Variants in DHRS4L2 observed in about 807,000 individuals in gnomAD.
DHRS4L2 encodes dehydrogenase/reductase 4 like 2, also known as dehydrogenase/reductase SDR family member 4-like 2.
In DHRS4L2, 22 loss-of-function variants were observed where a neutral mutation model predicts 23.9. The ratio of observed to expected loss-of-function variants is 0.92; its 90% CI spans 0.66 to 1.31. The LOEUF (loss-of-function observed/expected upper bound fraction) is 1.31. Ranked by LOEUF, DHRS4L2 falls within the 40% of genes most tolerant of loss-of-function variation. The probability of loss-of-function intolerance (pLI) is 0.00; values close to 1 mark genes in which losing one functional copy is unlikely to be tolerated. For synonymous variants in DHRS4L2, 141 were observed against 123.7 expected, an observed-to-expected ratio of 1.14 and a Z score of -0.93; for missense variants, 385 against 303.3, an observed-to-expected ratio of 1.27 and a Z score of -2.00.
At chr14:23,988,781 G>A, upstream of DHRS4L2, 1 of 1,403,562 alleles carries the variant, frequency 7.1e-7, no homozygotes. Flanking sequence ...CTGCGGGGCG[G>A]GGCGACTGGC....
chr14:23,989,543 G>A (rs77491846), intron 1 of DHRS4L2, among the ~76,000 whole-genome samples: 12,273 of 151,364 alleles, frequency 0.081, 868 homozygotes, highest in East Asian at 0.23. Context: ...TTTTTAGGTC[G>A]GTACATCTGG....
rs114482619 is a variant in DHRS4L2 at position 23,974,701 on chromosome 14, C to T, written c.-176+4369C>T. On this transcript the variant is annotated intron_variant, in intron 1 of 5. Coordinates refer to the DHRS4L2 transcript ENST00000534993. The stretch of plus-strand genomic sequence containing the variant: ...ACACCTTCTGCAGACTAAATCAGGA[C>T]GAAGTTGAATTGCTGAATAGACCAA... 3.1e-3 allele frequency among the ~76,000 whole-genome samples: 466 copies of T among 151,792 alleles called. 6 individuals are homozygous for T. Among genetic ancestry groups the T allele is most frequent in the African/African-American group, 0.011 (440 of 41,398 alleles).
intron 2 of DHRS4L2, chr14:23,991,039 T>C (rs529481416): frequency 9.5e-6 from 3 of 314,812 alleles, no homozygotes; most frequent in Admixed American, 6.5e-5. Flanking sequence ...GAAGCAACTA[T>C]GAAGCATTCA....
At chr14:23,991,485 C>T (rs553177586) in intron 2 of DHRS4L2, among the ~76,000 whole-genome samples, 3 of 151,808 alleles carry the variant, frequency 2.0e-5, no homozygotes, top group Non-Finnish European at 2.9e-5. Flanking sequence ...CTGTGCCCCC[C>T]ACCAGGTTCA....
chr14:24,005,815 C>A, intron 7 of DHRS4L2, 71 bp from the exon 8 acceptor site: 1 of 1,580,934 alleles, frequency 6.3e-7, no homozygotes. Flanking sequence ...AAATTTAACT[C>A]CCCGTGTCCC....
chr14:23,995,375 C>G (rs1320484468), intron 3 of DHRS4L2, among the ~76,000 whole-genome samples: 1 of 151,644 alleles, frequency 6.6e-6, no homozygotes, highest in African/African-American at 2.4e-5. Context: ...GCCACTGCTC[C>G]CCTCCCCAGG....
Position 23,995,087 on chromosome 14 carries a change from C to T in DHRS4L2, c.362C>T (p.Pro121Leu). Residue 121 changes from proline (P) to leucine (L), a missense_variant, in exon 3 of 8, where the codon CCT becomes CTT. By Grantham distance (98) the Pro-to-Leu change is moderately conservative. Transcript: ENST00000335125. ...DILVSNAAVN[P>L]FFGSLMDVTE... ...CTAGTCTCCAATGCTGCTGTCAACC[C>T]TTTCTTTGGAAGCCTAATGGATGTC... 1 of 1,612,982 alleles carries T rather than the reference C, an allele frequency of 6.2e-7. No homozygotes were observed. Among genetic ancestry groups the T allele is most frequent in the South Asian group, 1.1e-5 (1 of 90,942 alleles).
chr14:23,984,699 C>CGGGA (rs2034108983), upstream of DHRS4L2, among the ~76,000 whole-genome samples: 1 of 144,006 alleles, frequency 6.9e-6, no homozygotes, highest in Non-Finnish European at 1.5e-5. Flanking sequence ...CCCAGCTACT[C>CGGGA]GGGAGGCTGA....
chr14:24,001,928 C>A (rs1234119403), intron 6 of DHRS4L2, among the ~76,000 whole-genome samples: 1 of 52,800 alleles, frequency 1.9e-5, no homozygotes, highest in Non-Finnish European at 2.9e-5. Flanking sequence ...TGGGCAGTTT[C>A]TTCCCTTTCC....
chr14:24,004,306 A>T lies in DHRS4L2; in HGVS notation c.666-31A>T, dbSNP rs750709792. ...AAAAAAAAGAAAGGAAAAGAAAAAA[A>T]AACATAAAGAGATTTCCCTTCTTCC... On this transcript the variant is annotated intron_variant, in intron 6 of 7. Transcript: ENST00000335125. 1.9e-6 allele frequency: 3 copies of T among 1,560,512 alleles called. No individual in the cohort carries two copies. In the South Asian group the frequency reaches 3.7e-5, roughly 19 times the overall value.
At chr14:23,971,893 A>T (rs1364387586) in intron 1 of DHRS4L2, among the ~76,000 whole-genome samples, 1 of 152,042 alleles carries the variant, frequency 6.6e-6, no homozygotes, top group Non-Finnish European at 1.5e-5. Context: ...AATTGTAAAG[A>T]CCATTGATGC....
At chr14:23,987,688 A>G (rs2034179880), upstream of DHRS4L2, among the ~76,000 whole-genome samples, 1 of 151,716 alleles carries the variant, frequency 6.6e-6, no homozygotes, top group Non-Finnish European at 1.5e-5. Flanking sequence ...AAAGAAGGAA[A>G]GGTATACTCC....
intron 7 of DHRS4L2, 30 bp downstream of exon 7, chr14:24,004,422 GA>G (rs2034535600): frequency 6.3e-7 from 1 of 1,592,412 alleles, no homozygotes; most frequent in Admixed American, 1.7e-5. Context: ...AGGGCACTAA[GA>G]GACATGAAGA....
intron 3 of DHRS4L2, among the ~76,000 whole-genome samples, chr14:23,996,236 G>A (rs1162847676): frequency 6.6e-6 from 1 of 151,654 alleles, no homozygotes; most frequent in East Asian, 1.9e-4. Context: ...CTGGAACACT[G>A]GTGATCACAT....
At position 23,998,344 on chromosome 14, in the gene DHRS4L2, C is replaced by G. The variant is rs1029219883; in HGVS notation, c.409-2519C>G. ...CTTAAAGTCACTGGCTGCATTAGCC[C>G]CTAACAAGAGAATAAGCCTGTCCTT... On this transcript the variant is annotated intron_variant, in intron 3 of 7. Transcript: ENST00000335125. Among the ~76,000 whole-genome samples, 3 of 151,512 alleles carry G rather than the reference C, an allele frequency of 2.0e-5. 1 individual carries two copies. Among genetic ancestry groups the G allele is most frequent in the Non-Finnish European group, 4.4e-5 (3 of 67,818 alleles).
intron 1 of DHRS4L2, among the ~76,000 whole-genome samples, chr14:23,971,008 A>T (rs2033845820): frequency 6.6e-6 from 1 of 152,120 alleles, no homozygotes; most frequent in Non-Finnish European, 1.5e-5. Context: ...CCAACATCAA[A>T]GACCAAAGGT....
chr14:24,005,907 T>C lies in DHRS4L2; in HGVS notation c.*44T>C, dbSNP rs531521864. Reference sequence around the variant, plus strand: ...CCAGGTTAGGCGAGCCAGAGGATTGTGCTGGCATCGTGTCTTTCCTGTGCT... The same window carrying C: ...CCAGGTTAGGCGAGCCAGAGGATTGCGCTGGCATCGTGTCTTTCCTGTGCT... On this transcript the variant is annotated 3_prime_UTR_variant, in exon 8 of 8. Coordinates refer to ENST00000335125, the MANE Select transcript of DHRS4L2 (RefSeq NM_198083.4). 4.6e-5 allele frequency: 74 copies of C among 1,605,276 alleles called. 1 individual carries two copies. The East Asian group carries it at 1.6e-3, about 34-fold the overall frequency.
chr14:24,000,062 T>C (rs1245134092), intron 3 of DHRS4L2, among the ~76,000 whole-genome samples: 3 of 139,188 alleles, frequency 2.2e-5, no homozygotes, highest in African/African-American at 6.1e-5. Flanking sequence ...TTTTATTATA[T>C]AAAATCTTTC....
chr14:23,996,620 T>A (rs1362445556), intron 3 of DHRS4L2, among the ~76,000 whole-genome samples: 1 of 150,514 alleles, frequency 6.6e-6, no homozygotes, highest in Non-Finnish European at 1.5e-5. Context: ...TCTTTCTTTT[T>A]TTAGACAGAC....
Sources: gnomAD v4.1 joint callset for allele counts (sites outside exome capture counted in the v4.1 genomes callset) on GRCh38, gnomAD v4.1.1 for gene constraint, MANE v1.5 for transcripts, NCBI Gene and HGNC (gene_info 2026-07-23, HGNC 2026-07-21) for gene names.